XRCC4: variants seen among roughly 807,000 people sequenced by gnomAD.
The protein encoded by XRCC4 is X-ray repair cross complementing 4.
XRCC4 carries 28 observed loss-of-function variants against 39.1 expected under a neutral mutation model. The observed-to-expected ratio is 0.72, with a 90% CI of 0.53 to 0.98. XRCC4 has a LOEUF of 0.98. Ranked by LOEUF, XRCC4 falls within the 50% of genes least tolerant of loss-of-function variation. The pLI is 0.00. For missense variants in XRCC4, 350 were observed against 376.4 expected (o/e 0.93, Z 0.58); for synonymous variants, 123 against 126.4 (o/e 0.97, Z 0.18).
chr5:83,330,223 A>C (rs1291632615), intron 7 of XRCC4, among the ~76,000 whole-genome samples: 1 of 152,034 alleles, frequency 6.6e-6, no homozygotes, highest in African/African-American at 2.4e-5. Context: ...TACACTACTA[A>C]AGGAAGTGGA....
intron 3 of XRCC4, among the ~76,000 whole-genome samples, chr5:83,132,156 A>G (rs1747625266): frequency 6.6e-6 from 1 of 152,148 alleles, no homozygotes; most frequent in South Asian, 2.1e-4. Context: ...GTTTGGCTGG[A>G]CATGAAATTC....
At chr5:83,102,898 A>G (rs1285396351) in intron 1 of XRCC4, among the ~76,000 whole-genome samples, 1 of 151,488 alleles carries the variant, frequency 6.6e-6, no homozygotes, top group Non-Finnish European at 1.5e-5. Context: ...GAGTCCTTGC[A>G]CCACCACTTA....
chr5:83,091,288 G>A lies in XRCC4; in HGVS notation c.-10-13622G>A, dbSNP rs115477231. ...ACAATCATGGCAGAAGGAAAAGCAG[G>A]CAGGCATATCTTACATGGTGGCAGG... is the stretch of plus-strand genomic sequence containing the variant. On this transcript the variant is annotated intron_variant, in intron 1 of 7. Coordinates refer to ENST00000396027, the MANE Select transcript of XRCC4 (RefSeq NM_003401.5). Among the ~76,000 whole-genome samples, 896 of 152,240 alleles carry A rather than the reference G, an allele frequency of 5.9e-3. 9 individuals are homozygous for A. The highest frequency in any genetic ancestry group is 9.4e-3 in the Non-Finnish European group (639 of 68,010).
intron 7 of XRCC4, among the ~76,000 whole-genome samples, chr5:83,349,605 G>C (rs1405021550): frequency 6.6e-6 from 1 of 152,082 alleles, no homozygotes; most frequent in East Asian, 1.9e-4. Context: ...TGGAGCACCA[G>C]GAATCTATTT....
intron 3 of XRCC4, among the ~76,000 whole-genome samples, chr5:83,182,219 C>T (rs1580338925): frequency 1.3e-5 from 2 of 152,112 alleles, no homozygotes; most frequent in Admixed American, 6.5e-5. Flanking sequence ...ATATTTAATA[C>T]CCTCCTCTGC....
intron 7 of XRCC4, among the ~76,000 whole-genome samples, chr5:83,322,984 G>T (rs716783): frequency 0.019 from 2,818 of 152,216 alleles, 81 homozygotes; most frequent in African/African-American, 0.064. Context: ...TTTAATGAAA[G>T]AGACAAACAC....
intron 7 of XRCC4, among the ~76,000 whole-genome samples, chr5:83,316,576 T>TA (rs1755893395): frequency 1.3e-5 from 2 of 150,580 alleles, no homozygotes; most frequent in Non-Finnish European, 3.0e-5. Context: ...AAACAGATTT[T>TA]AAACCAACAA....
chr5:83,336,322 C>T (rs1276709752), intron 7 of XRCC4, among the ~76,000 whole-genome samples: 1 of 152,108 alleles, frequency 6.6e-6, no homozygotes, highest in South Asian at 2.1e-4. Context: ...TTTCGGGCTG[C>T]ATGTGAATTT....
intron 7 of XRCC4, among the ~76,000 whole-genome samples, chr5:83,268,829 G>A (rs1057121571): frequency 6.6e-6 from 1 of 152,170 alleles, no homozygotes. Context: ...CAACTTTAGA[G>A]AATAAGATAT....
intron 6 of XRCC4, among the ~76,000 whole-genome samples, chr5:83,209,483 T>C (rs1238437255): frequency 6.6e-6 from 1 of 152,124 alleles, no homozygotes; most frequent in African/African-American, 2.4e-5. Flanking sequence ...TTAAAATATA[T>C]ATGAATATTC....
intron 1 of XRCC4, among the ~76,000 whole-genome samples, chr5:83,083,352 T>G (rs1332447174): frequency 6.6e-6 from 1 of 151,736 alleles, no homozygotes; most frequent in Non-Finnish European, 1.5e-5. Context: ...AATGACTGAC[T>G]TGATTGGGTG....
chr5:83,105,463 T>C (rs1197753622), intron 2 of XRCC4, among the ~76,000 whole-genome samples: 1 of 152,168 alleles, frequency 6.6e-6, no homozygotes, highest in African/African-American at 2.4e-5. Flanking sequence ...GGTTATTTAT[T>C]TATTTATTTT....
intron 6 of XRCC4, 32 bp downstream of exon 6, chr5:83,204,953 G>T: frequency 6.9e-7 from 1 of 1,440,716 alleles, no homozygotes; most frequent in South Asian, 1.2e-5. Flanking sequence ...CTCCTCTGTT[G>T]AATATCTTAT....
chr5:83,112,925 A>T (rs74332411), intron 3 of XRCC4, among the ~76,000 whole-genome samples: 4 of 152,132 alleles, frequency 2.6e-5, no homozygotes, highest in Admixed American at 6.5e-5. Context: ...CAGCCAAACC[A>T]TATCATTCCG....
chr5:83,110,904 G>A, intron 2 of XRCC4, 124 bp from the exon 3 acceptor site: 1 of 892,416 alleles, frequency 1.1e-6, no homozygotes, highest in Non-Finnish European at 1.7e-6. Flanking sequence ...GTAGTATAGG[G>A]ATTGATTTTA....
At chr5:83,348,933 G>T (rs1756999901) in intron 7 of XRCC4, among the ~76,000 whole-genome samples, 1 of 152,150 alleles carries the variant, frequency 6.6e-6, no homozygotes, top group Non-Finnish European at 1.5e-5. Flanking sequence ...CATAGCAAGA[G>T]TGACCTCTAC....
chr5:83,135,211 C>G (rs151295950), intron 3 of XRCC4, among the ~76,000 whole-genome samples: 28 of 152,272 alleles, frequency 1.8e-4, no homozygotes, highest in African/African-American at 6.7e-4. Context: ...GGCTCATGCT[C>G]TGTGGGCTGC....
At chr5:83,300,523 G>T (rs1755240729) in intron 7 of XRCC4, among the ~76,000 whole-genome samples, 1 of 147,352 alleles carries the variant, frequency 6.8e-6, no homozygotes, top group Non-Finnish European at 1.5e-5. Flanking sequence ...AGCTGATTAT[G>T]ACACACTAAT....
In XRCC4 at chr5:83,242,297, G is replaced by A. The variant is rs185193979; in HGVS notation, c.746-16233G>A. ...ATTTCTTTCTGTGTTTTGCTTCATG[G>A]ATATTTATTCTGTTTCTCACTTTTG... is the stretch of plus-strand genomic sequence containing the variant. On this transcript the variant is annotated intron_variant, in intron 6 of 7. Transcript: ENST00000396027. Among the ~76,000 whole-genome samples the A allele has an allele frequency of 1.0e-3, 154 of 151,502 alleles. 1 individual carries two copies. The highest frequency in any genetic ancestry group is 3.4e-3 in the Middle Eastern group (1 of 292).
Sources: allele counts gnomAD v4.1 joint callset (sites outside exome capture counted in the v4.1 genomes callset), GRCh38; gene constraint gnomAD v4.1.1; transcripts MANE v1.5; gene names NCBI Gene and HGNC (gene_info 2026-07-23, HGNC 2026-07-21).